Variants in B4GALT3 observed in about 807,000 individuals in gnomAD.
The protein encoded by B4GALT3 is N-acetyllactosamine synthase.
In B4GALT3, 29 loss-of-function variants were observed where a neutral mutation model predicts 40.7. The ratio of observed to expected loss-of-function variants is 0.71; its 90% CI spans 0.53 to 0.97. The LOEUF is 0.97. Ranked by LOEUF, B4GALT3 falls within the 50% of genes least tolerant of loss-of-function variation. B4GALT3 has a pLI of 0.00. For missense variants in B4GALT3, 390 were observed against 522.3 expected (o/e 0.75, Z 2.47); for synonymous variants, 182 against 203.9 (o/e 0.89, Z 0.92).
rs1454473717 is a variant in B4GALT3 at position 161,173,727 on chromosome 1, G to C, written c.681C>G (p.Ser227Arg). 6.2e-7 allele frequency: 1 copy of C among 1,614,110 alleles called. No individual in the cohort carries two copies. The highest frequency in any genetic ancestry group is 8.5e-7 in the Non-Finnish European group (1 of 1,180,008). ...CTCCGAAGTACTGGGGGTACGGGAGGCTAGGGAGAGAAAGATCCTTGCATA... is the reference window on the plus strand; with the variant it reads ...CTCCGAAGTACTGGGGGTACGGGAGCCTAGGGAGAGAAAGATCCTTGCATA... The part of the protein sequence containing the change: ...VAVAMNKFGY[S>R]LPYPQYFGGV... The change falls in exon 6 of 8, where the codon AGC (serine) becomes AGG (arginine). Residue 227 changes from serine to arginine, a missense_variant and splice_region_variant. This residue lies in a region of B4GALT3 where 135 missense variants were observed against 227.8 expected (regional missense o/e 0.59). Transcript: ENST00000319769.
intron 1 of B4GALT3, chr1:161,177,219 C>G: frequency 1.4e-6 from 1 of 715,546 alleles, no homozygotes; most frequent in Non-Finnish European, 2.3e-6. Flanking sequence ...CCAGCTCTTT[C>G]GGAGCACGCC....
intron 3 of B4GALT3, 79 bp from the exon 4 acceptor site, chr1:161,175,307 G>A: frequency 7.9e-7 from 1 of 1,259,984 alleles, no homozygotes; most frequent in Non-Finnish European, 1.1e-6. Context: ...GAATACCTCT[G>A]ACACTGGCAG....
Position 161,173,541 on chromosome 1 carries a change from G to A in B4GALT3, c.803+64C>T. 6 of 1,609,270 alleles carry A rather than the reference G, an allele frequency of 3.7e-6. No individual in the cohort carries two copies. The South Asian group carries it at 6.6e-5, about 18-fold the overall frequency. On this transcript the variant is annotated intron_variant, in intron 6 of 7. Coordinates refer to ENST00000319769, the MANE Select transcript of B4GALT3 (RefSeq NM_003779.4). ...TTAGTGTTGAAGGGCTATGGTCAAA[G>A]GTGGTCTTAGAGGACAGGGATCCAG...
chr1:161,175,135 G>C lies in B4GALT3; in HGVS notation c.347C>G (p.Pro116Arg), dbSNP rs148765132. 1.9e-6 allele frequency: 3 copies of C among 1,613,968 alleles called. No homozygotes were observed. Among genetic ancestry groups the C allele is most frequent in the Non-Finnish European group, 2.5e-6 (3 of 1,179,974 alleles). ...PRVEPGGRYR[P>R]AGCEPRSRTA... Reference sequence around the variant, plus strand: ...TCGGGAGCGGGGCTCACAACCTGCAGGGCGGTACCGGCCCCCTGGTTCTAC... The same window carrying C: ...TCGGGAGCGGGGCTCACAACCTGCACGGCGGTACCGGCCCCCTGGTTCTAC... Residue 116 changes from proline (P) to arginine (R), a missense_variant, in exon 4 of 8, where the codon CCT becomes CGT. By Grantham distance (103) the Pro-to-Arg change is moderately radical (BLOSUM62 -2). Transcript: ENST00000319769.
Position 161,177,492 on chromosome 1 carries a change from A to G in B4GALT3, c.-230T>C. On this transcript the variant is annotated 5_prime_UTR_variant, in exon 1 of 8. Transcript: ENST00000319769. ...CAGGCATCGCTGCCGCCATCTTGGA[A>G]GCGGGCGCTGCGGGGGCGGGGTCTC... 5.9e-6 allele frequency: 1 copy of G among 169,852 alleles called. No individual in the cohort carries two copies. Among genetic ancestry groups the G allele is most frequent in the Non-Finnish European group, 1.3e-5 (1 of 77,256 alleles). The allele number at this position is 169,852 out of a possible 1,614,324, so 10.5% of individuals were successfully genotyped here. A position where few individuals can be genotyped will look rare whatever the true frequency, so the allele number is the denominator to read the frequency against.
intron 1 of B4GALT3, chr1:161,177,182 G>A: frequency 9.4e-7 from 1 of 1,064,858 alleles, no homozygotes; most frequent in South Asian, 1.5e-5. Context: ...AGAGGGGCGT[G>A]GTCCGCGCTG....
rs1408097541 is a variant in B4GALT3, at chr1:161,171,984, G to A, written c.1014C>T (p.Ile338=). Reference sequence around the variant, plus strand: ...GAGGGTCAGTCCCAATGTCTGCTGTGATGTTGGTATAAAGAGGCCCCAGCT... The same window carrying A: ...GAGGGTCAGTCCCAATGTCTGCTGTAATGTTGGTATAAAGAGGCCCCAGCT... ...ARELGPLYTN[I]TADIGTDPRG... Residue 338 remains isoleucine, a synonymous_variant, in exon 8 of 8, where the codon ATC becomes ATT. Transcript: ENST00000319769. 3 of 1,614,040 alleles carry A rather than the reference G, an allele frequency of 1.9e-6. No individual in the cohort carries two copies. Among genetic ancestry groups the A allele is most frequent in the Admixed American group, 3.3e-5 (2 of 59,996 alleles).
At chr1:161,176,911 C>T (rs1571543409) in intron 1 of B4GALT3, 4 of 1,536,180 alleles carry the variant, frequency 2.6e-6, no homozygotes, top group Non-Finnish European at 3.5e-6. Flanking sequence ...CTAAGGAGTA[C>T]CCAGGGCGAA....
chr1:161,177,943 T>C (rs1327524992), upstream of B4GALT3: 21 of 152,224 alleles, frequency 1.4e-4, no homozygotes, highest in Admixed American at 1.4e-3. Flanking sequence ...TAGCGCATTT[T>C]TGTATTCCCG....
At chr1:161,173,360 T>TA (rs969923256) in intron 6 of B4GALT3, among the ~76,000 whole-genome samples, 1 of 152,208 alleles carries the variant, frequency 6.6e-6, no homozygotes, top group African/African-American at 2.4e-5. Flanking sequence ...AATCCGACGA[T>TA]ACTATTTCCT....
rs780107417 is a variant in B4GALT3 at position 161,175,081 on chromosome 1, C to T, written c.401G>A (p.Arg134Gln). ...RTAIIVPHRA[R>Q]EHHLRLLLYH... ...GAGCAGCAGGCGCAGGTGGTGCTCC[C>T]GGGCACGATGAGGCACAATGATGGC... Residue 134 changes from arginine (R) to glutamine (Q), a missense_variant, in exon 4 of 8, where the codon CGG (arginine) becomes CAG (glutamine). Arg to Gln is a conservative substitution (Grantham distance 43). Coordinates refer to ENST00000319769, the MANE Select transcript of B4GALT3 (RefSeq NM_003779.4). The T allele has an allele frequency of 6.2e-6, 10 of 1,613,908 alleles. No homozygotes were observed. Among genetic ancestry groups the T allele is most frequent in the South Asian group, 1.1e-5 (1 of 91,072 alleles).
At position 161,172,032 on chromosome 1, in the gene B4GALT3, C is replaced by CA; in HGVS notation, c.965dup (p.Thr323AspfsTer23). ...GCTCTCGAGCCAGCAACTGGTATGT[C>CA]AGTGAGTTCATCCCATCTTGCGTCC... On this transcript the variant is annotated frameshift_variant, in exon 8 of 8. Transcript: ENST00000319769. LOFTEE classifies it high-confidence loss of function. The CA allele has an allele frequency of 6.2e-7, 1 of 1,614,190 alleles. No individual in the cohort carries two copies.
chr1:161,176,719 G>A (rs1247893133), intron 1 of B4GALT3, 140 bp from the exon 2 acceptor site: 17 of 708,374 alleles, frequency 2.4e-5, no homozygotes, highest in Admixed American at 1.3e-4. Flanking sequence ...TAGGTCCCTC[G>A]CCTATCTCCC....
At chr1:161,172,943 C>T (rs1662022591) in intron 6 of B4GALT3, among the ~76,000 whole-genome samples, 1 of 151,308 alleles carries the variant, frequency 6.6e-6, no homozygotes, top group South Asian at 2.1e-4. Context: ...AAGAAACAAA[C>T]TCCACTTCTG....
At chr1:161,174,758 T>C in intron 4 of B4GALT3, 1 of 530,488 alleles carries the variant, frequency 1.9e-6, no homozygotes, top group Non-Finnish European at 3.3e-6. Context: ...GCACAAGCCA[T>C]TCAATAAAGA....
chr1:161,175,321 G>T, intron 3 of B4GALT3, 93 bp from the exon 4 acceptor site: 1 of 1,127,956 alleles, frequency 8.9e-7, no homozygotes. Context: ...CTGGCAGTCT[G>T]GTTCTGGGGC....
chr1:161,177,233 C>A, intron 1 of B4GALT3, 190 bp downstream of exon 1: 1 of 671,512 alleles, frequency 1.5e-6, no homozygotes, highest in Non-Finnish European at 2.5e-6. Flanking sequence ...GCACGCCCAT[C>A]CTATCCCAGT....
chr1:161,175,664 A>ATCTCAACCTCAGCCCTCTC (rs1663226634), intron 3 of B4GALT3, 144 bp downstream of exon 3: 2 of 1,260,234 alleles, frequency 1.6e-6, no homozygotes, highest in Admixed American at 2.2e-5. Flanking sequence ...TCAGCCCTCT[A>ATCTCAACCTCAGCCCTCTC]TCTCAACCTC....
intron 5 of B4GALT3, 39 bp downstream of exon 5, chr1:161,173,820 A>G (rs1448343028): frequency 6.2e-7 from 1 of 1,609,908 alleles, no homozygotes; most frequent in Admixed American, 1.7e-5. Context: ...ACAGGATAGT[A>G]GGCTTCCCTG....
Sources: gnomAD v4.1 joint callset for allele counts (sites outside exome capture counted in the v4.1 genomes callset) on GRCh38, gnomAD v4.1.1 for gene constraint, gnomAD v4.1.1 regional missense constraint, MANE v1.5 for transcripts, NCBI Gene and HGNC (gene_info 2026-07-23, HGNC 2026-07-21) for gene names.